The following CDH17 variants were observed in gnomAD, a reference collection of about 807,000 sequenced individuals.
CDH17 encodes cadherin-17.
CDH17 carries 67 observed loss-of-function variants against 86.3 expected under a neutral mutation model. That is an observed-to-expected ratio of 0.78 (90% confidence interval 0.64 to 0.95). CDH17 has a LOEUF of 0.95. Ranked by LOEUF, CDH17 falls within the 40% of genes least tolerant of loss-of-function variation. The probability of loss-of-function intolerance (pLI) is 0.00; values close to 1 mark genes in which losing one functional copy is unlikely to be tolerated. For missense variants in CDH17, 993 were observed against 1,017.6 expected, an observed-to-expected ratio of 0.98 and a Z score of 0.33; for synonymous variants, 367 against 366.4, an observed-to-expected ratio of 1.00 and a Z score of -0.02.
intron 2 of CDH17, among the ~76,000 whole-genome samples, chr8:94,194,352 G>A (rs986644786): frequency 6.6e-6 from 1 of 152,198 alleles, no homozygotes; most frequent in African/African-American, 2.4e-5. Context: ...CAGATTCCCT[G>A]AGCTATAGAT....
chr8:94,208,069 G>A (rs1457349356), intron 1 of CDH17, among the ~76,000 whole-genome samples: 3 of 152,176 alleles, frequency 2.0e-5, no homozygotes, highest in Non-Finnish European at 4.4e-5. Context: ...TAGATAGAAT[G>A]ACATGCTTTT....
At chr8:94,198,147 G>A (rs1813824015) in intron 1 of CDH17, among the ~76,000 whole-genome samples, 1 of 152,058 alleles carries the variant, frequency 6.6e-6, no homozygotes, top group Non-Finnish European at 1.5e-5. Flanking sequence ...TATCATGTAT[G>A]TATGTATATA....
At position 94,170,507 on chromosome 8, in the gene CDH17, G is replaced by A. The variant is rs762803780; in HGVS notation, c.956C>T (p.Pro319Leu). 1.7e-5 allele frequency: 28 copies of A among 1,613,656 alleles called. No individual in the cohort carries two copies. In the South Asian group the frequency reaches 3.0e-4, roughly 17 times the overall value. The change falls in exon 9 of 18, where the codon CCA (proline) becomes CTA (leucine). Residue 319 changes from proline (P) to leucine (L), a missense_variant. Transcript: ENST00000027335. ...YAVAKDEYGK[P>L]LSYPLEIHVK... ...ATGAATTTCCAGCGGATATGAAAGT[G>A]GTTTTCCGTACTCATCCTTTGCAAC...
intron 1 of CDH17, chr8:94,202,924 AT>A: frequency 3.1e-6 from 1 of 317,470 alleles, no homozygotes; most frequent in African/African-American, 2.2e-5. Context: ...TGAGGACAGG[AT>A]TTTGGGCTTC....
chr8:94,190,639 C>A (rs937343382), intron 2 of CDH17, among the ~76,000 whole-genome samples: 1 of 152,136 alleles, frequency 6.6e-6, no homozygotes, highest in Non-Finnish European at 1.5e-5. Context: ...TGGAGCTAGA[C>A]AATAAAAATA....
intron 9 of CDH17, among the ~76,000 whole-genome samples, chr8:94,168,072 A>G (rs145693031): frequency 3.2e-3 from 432 of 133,992 alleles, no homozygotes; most frequent in African/African-American, 0.011. Flanking sequence ...AAGATACCAA[A>G]CAGGAGAATG....
chr8:94,136,273 C>T (rs1237127041), intron 15 of CDH17, among the ~76,000 whole-genome samples: 5 of 152,182 alleles, frequency 3.3e-5, no homozygotes, highest in Admixed American at 6.5e-5. Flanking sequence ...TCATTCTCCC[C>T]GTCACTTTCA....
intron 5 of CDH17, among the ~76,000 whole-genome samples, chr8:94,175,398 A>AT (rs751246269): frequency 5.6e-4 from 85 of 152,108 alleles, no homozygotes; most frequent in Middle Eastern, 6.8e-3. Context: ...ACTGAAGTGA[A>AT]TTTTTTCCTG....
In CDH17 at chr8:94,192,202, T is replaced by C. The variant is rs183571601; in HGVS notation, c.51+2433A>G. 2.3e-3 allele frequency among the ~76,000 whole-genome samples: 352 copies of C among 152,296 alleles called. 1 individual carries two copies. Among genetic ancestry groups the C allele is most frequent in the Non-Finnish European group, 3.8e-3 (259 of 68,024 alleles). ...CTCTTCCTGCCAATAAACATGACTATTGGGGCTATAAAGATTTCAAAGTGC... is the reference window on the plus strand; with the variant it reads ...CTCTTCCTGCCAATAAACATGACTACTGGGGCTATAAAGATTTCAAAGTGC... On this transcript the variant is annotated intron_variant, in intron 2 of 17. Transcript: ENST00000027335.
intron 17 of CDH17, among the ~76,000 whole-genome samples, chr8:94,128,589 C>T (rs1812348633): frequency 6.6e-6 from 1 of 152,180 alleles, no homozygotes. Context: ...GTGGCTCTCA[C>T]TGGATCTCGC....
At chr8:94,169,813 A>G (rs907534356) in intron 9 of CDH17, among the ~76,000 whole-genome samples, 20 of 152,238 alleles carry the variant, frequency 1.3e-4, no homozygotes, top group African/African-American at 2.4e-5. Flanking sequence ...CACAGGACAC[A>G]GTAAAAGAAA....
intron 12 of CDH17, 90 bp downstream of exon 12, chr8:94,159,881 A>G: frequency 1.1e-6 from 1 of 927,356 alleles, no homozygotes; most frequent in Admixed American, 2.8e-5. Context: ...GGCTGCTAAT[A>G]CATCACCTCT....
intron 3 of CDH17, among the ~76,000 whole-genome samples, chr8:94,180,167 G>C (rs1023627256): frequency 3.3e-5 from 5 of 151,994 alleles, no homozygotes; most frequent in Non-Finnish European, 7.4e-5. Flanking sequence ...ATTCATAAGA[G>C]GGTGTTCAAA....
At chr8:94,142,302 C>T (rs1032834398) in intron 15 of CDH17, among the ~76,000 whole-genome samples, 1 of 152,164 alleles carries the variant, frequency 6.6e-6, no homozygotes, top group African/African-American at 2.4e-5. Context: ...ATACTATACT[C>T]TAGACTGTTA....
intron 7 of CDH17, 45 bp downstream of exon 7, chr8:94,173,752 C>T: frequency 7.0e-7 from 1 of 1,436,484 alleles, no homozygotes; most frequent in Non-Finnish European, 9.8e-7. Flanking sequence ...AAAGTGAAGC[C>T]ATTTATCTAG....
In CDH17 at chr8:94,172,686, C is replaced by T. The variant is rs1813292184; in HGVS notation, c.783+1111G>A. Among the ~76,000 whole-genome samples, 3 of 152,246 alleles carry T rather than the reference C, an allele frequency of 2.0e-5. No homozygotes were observed. In the South Asian group the frequency reaches 6.2e-4, roughly 32 times the overall value. On this transcript the variant is annotated intron_variant, in intron 7 of 17. Coordinates refer to ENST00000027335, the MANE Select transcript of CDH17 (RefSeq NM_004063.4). Reference sequence around the variant, plus strand: ...ATCTGCTTCCAAATCCAGGGATCTCCCACTAACCCACAGCTTTCATGTGGA... The same window carrying T: ...ATCTGCTTCCAAATCCAGGGATCTCTCACTAACCCACAGCTTTCATGTGGA...
At chr8:94,128,401 G>A (rs1812343387) in intron 17 of CDH17, 61 bp from the exon 18 acceptor site, 5 of 1,023,770 alleles carry the variant, frequency 4.9e-6, no homozygotes, top group South Asian at 2.7e-5. Flanking sequence ...GTCACATTCA[G>A]TTATAAAGTA....
chr8:94,184,369 G>A (rs2130655767), intron 3 of CDH17, among the ~76,000 whole-genome samples: 1 of 152,276 alleles, frequency 6.6e-6, no homozygotes, highest in South Asian at 2.1e-4. Flanking sequence ...GATATATCCA[G>A]ATGATGGAAT....
upstream of CDH17, among the ~76,000 whole-genome samples, chr8:94,211,732 T>C (rs533242980): frequency 3.1e-4 from 47 of 152,372 alleles, no homozygotes; most frequent in Non-Finnish European, 6.2e-4. Flanking sequence ...TATTTTATCA[T>C]GAGTCCATCA....
Sources: allele counts gnomAD v4.1 joint callset (sites outside exome capture counted in the v4.1 genomes callset), GRCh38; gene constraint gnomAD v4.1.1; transcripts MANE v1.5; gene names NCBI Gene and HGNC (gene_info 2026-07-23, HGNC 2026-07-21).